Variants in PRKAG2 observed in about 807,000 individuals in gnomAD.
PRKAG2 encodes protein kinase AMP-activated non-catalytic subunit gamma 2.
PRKAG2 carries 26 observed loss-of-function variants against 69.6 expected under a neutral mutation model. The observed-to-expected ratio is 0.37, with a 90% CI of 0.27 to 0.52. The LOEUF is 0.52. Ranked by LOEUF, PRKAG2 falls within the 20% of genes least tolerant of loss-of-function variation. The pLI is 0.90. For synonymous variants in PRKAG2, 293 were observed against 285.0 expected (o/e 1.03, Z -0.28); for missense variants, 557 against 740.0 (o/e 0.75, Z 2.87).
intron 3 of PRKAG2, among the ~76,000 whole-genome samples, chr7:151,752,415 G>A (rs1340269176): frequency 1.3e-5 from 2 of 152,152 alleles, no homozygotes; most frequent in African/African-American, 2.4e-5. Flanking sequence ...GGCAGAGGGT[G>A]GGAGGAGGGA....
chr7:151,681,604 G>A (rs920697713), intron 3 of PRKAG2, among the ~76,000 whole-genome samples: 1 of 151,534 alleles, frequency 6.6e-6, no homozygotes, highest in Non-Finnish European at 1.5e-5. Flanking sequence ...TTTTTTGCAC[G>A]ATGCCACCCT....
intron 1 of PRKAG2, among the ~76,000 whole-genome samples, chr7:151,806,168 G>A (rs1027714902): frequency 1.3e-4 from 20 of 152,220 alleles, no homozygotes; most frequent in African/African-American, 4.8e-4. Context: ...CAGCTTGGGC[G>A]ACAGAGCGAG....
chr7:151,842,362 G>GGAT (rs1476264930), intron 1 of PRKAG2, among the ~76,000 whole-genome samples: 11 of 105,130 alleles, frequency 1.0e-4, no homozygotes, highest in Non-Finnish European at 2.2e-4. Context: ...TGGTAGGTAG[G>GGAT]GATGGTAGTG....
chr7:151,858,599 A>T (rs191572271), intron 1 of PRKAG2, among the ~76,000 whole-genome samples: 11 of 152,278 alleles, frequency 7.2e-5, no homozygotes, highest in African/African-American at 2.4e-4. Flanking sequence ...AGAGAGTCAC[A>T]GGGAAAGGGA....
At chr7:151,744,686 C>T (rs779039112) in intron 3 of PRKAG2, among the ~76,000 whole-genome samples, 102 of 152,338 alleles carry the variant, frequency 6.7e-4, no homozygotes, top group Non-Finnish European at 1.3e-3. Context: ...GTCACTGAGA[C>T]TCCGTGTAAC....
At chr7:151,666,971 A>G (rs1831140984) in intron 4 of PRKAG2, among the ~76,000 whole-genome samples, 1 of 152,136 alleles carries the variant, frequency 6.6e-6, no homozygotes, top group Admixed American at 6.5e-5. Flanking sequence ...GCTGTTGAGA[A>G]CCCTGCCAAC....
chr7:151,628,676 A>AC (rs1186044209), intron 5 of PRKAG2, among the ~76,000 whole-genome samples: 1 of 149,720 alleles, frequency 6.7e-6, no homozygotes, highest in Admixed American at 6.6e-5. Flanking sequence ...ACTGTACTTC[A>AC]CCCCAGGTAA....
intron 4 of PRKAG2, among the ~76,000 whole-genome samples, chr7:151,656,783 G>T (rs1298928589): frequency 6.6e-6 from 1 of 152,088 alleles, no homozygotes; most frequent in African/African-American, 2.4e-5. Context: ...TGATTGTATT[G>T]GATCAGTAGT....
intron 1 of PRKAG2, among the ~76,000 whole-genome samples, chr7:151,839,028 AAAAT>A (rs1586698591): frequency 2.7e-5 from 4 of 148,882 alleles, no homozygotes; most frequent in Non-Finnish European, 3.0e-5. Flanking sequence ...AAAAAAAAAA[AAAAT>A]AGAAAAGGGG....
chr7:151,601,809 G>A (rs1563228075), intron 5 of PRKAG2, among the ~76,000 whole-genome samples: 1 of 152,242 alleles, frequency 6.6e-6, no homozygotes, highest in African/African-American at 2.4e-5. Context: ...CCGCAGGGAA[G>A]ACAACAAACA....
intron 4 of PRKAG2, among the ~76,000 whole-genome samples, chr7:151,653,854 A>T (rs1828960763): frequency 6.6e-6 from 1 of 152,144 alleles, no homozygotes; most frequent in Non-Finnish European, 1.5e-5. Flanking sequence ...AACGAACAAA[A>T]ATCTTACAGA....
At chr7:151,857,238 T>G (rs1266582207) in intron 1 of PRKAG2, among the ~76,000 whole-genome samples, 1 of 151,950 alleles carries the variant, frequency 6.6e-6, no homozygotes, top group Non-Finnish European at 1.5e-5. Context: ...TCAGTGCTTT[T>G]TGCTGGGTGA....
Position 151,658,482 on chromosome 7 carries a change from C to CAAA in PRKAG2, c.684+16935_684+16937dup, listed in dbSNP as rs11286706. On this transcript the variant is annotated intron_variant, in intron 4 of 15. Transcript: ENST00000287878. ...CCTGGGTGACAGAGCAAGATTGTCG[C>CAAA]AAAAAAAAAAAAAAAAAAAGTATTT... Among the ~76,000 whole-genome samples the CAAA allele has an allele frequency of 8.0e-3, 845 of 105,466 alleles. 3 individuals carry two copies. Among genetic ancestry groups the CAAA allele is most frequent in the Non-Finnish European group, 0.013 (654 of 49,096 alleles). The allele number at this position is 105,466 out of a possible 152,430, so 69.2% of individuals were successfully genotyped here.
intron 3 of PRKAG2, among the ~76,000 whole-genome samples, chr7:151,765,978 G>A (rs1386261400): frequency 6.6e-6 from 1 of 152,158 alleles, no homozygotes; most frequent in African/African-American, 2.4e-5. Flanking sequence ...GTTGACAGGT[G>A]ATTCATCTGA....
chr7:151,765,458 T>C (rs1277740174), intron 3 of PRKAG2, among the ~76,000 whole-genome samples: 1 of 152,148 alleles, frequency 6.6e-6, no homozygotes, highest in East Asian at 1.9e-4. Context: ...ATTCGGGTGG[T>C]AACAAGAAGC....
intron 3 of PRKAG2, among the ~76,000 whole-genome samples, chr7:151,689,621 G>A (rs12671051): frequency 9.5e-4 from 144 of 152,222 alleles, no homozygotes; most frequent in East Asian, 4.1e-3. Context: ...TCCCCTTCCC[G>A]CCAGGTCTCC....
chr7:151,631,130 ACGTT>A (rs1249733500), intron 5 of PRKAG2, among the ~76,000 whole-genome samples: 1 of 152,354 alleles, frequency 6.6e-6, no homozygotes, highest in South Asian at 2.1e-4. Context: ...TCCACATGGC[ACGTT>A]CTTTGTTTCG....
chr7:151,792,468 T>A (rs2077309262), intron 1 of PRKAG2, among the ~76,000 whole-genome samples: 1 of 152,232 alleles, frequency 6.6e-6, no homozygotes, highest in Admixed American at 6.5e-5. Flanking sequence ...AACTAATTTG[T>A]GTATTCTTGA....
At chr7:151,636,589 T>A (rs1825774838) in intron 4 of PRKAG2, among the ~76,000 whole-genome samples, 1 of 152,190 alleles carries the variant, frequency 6.6e-6, no homozygotes, top group Middle Eastern at 3.2e-3. Context: ...TTGGCTGTGG[T>A]GAAAATGCTC....
Sources: allele counts gnomAD v4.1 joint callset (sites outside exome capture counted in the v4.1 genomes callset), GRCh38; gene constraint gnomAD v4.1.1; transcripts MANE v1.5; gene names NCBI Gene and HGNC (gene_info 2026-07-23, HGNC 2026-07-21).